The following PCED1B variants were observed in gnomAD, a reference collection of about 807,000 sequenced individuals.
PCED1B encodes PC-esterase domain-containing protein 1B.
For missense variants in PCED1B, 573 were observed against 573.9 expected (o/e 1.00, Z 0.02); for synonymous variants, 251 against 246.1 (o/e 1.02, Z -0.19).
chr12:47,148,646 G>A (rs1940880435), intron 2 of PCED1B, among the ~76,000 whole-genome samples: 1 of 152,102 alleles, frequency 6.6e-6, no homozygotes, highest in South Asian at 2.1e-4. Context: ...GGCCCAGAGA[G>A]CCATGTTTGA....
chr12:47,232,206 G>A (rs1171891045), intron 3 of PCED1B, among the ~76,000 whole-genome samples: 1 of 152,044 alleles, frequency 6.6e-6, no homozygotes, highest in Non-Finnish European at 1.5e-5. Flanking sequence ...GTTTTTCTTT[G>A]TTTCAAACTC....
chr12:47,214,750 C>T (rs1258844925), intron 2 of PCED1B, among the ~76,000 whole-genome samples: 2 of 151,978 alleles, frequency 1.3e-5, no homozygotes, highest in Non-Finnish European at 2.9e-5. Context: ...CTTCCTGATA[C>T]AGATACTTTG....
At chr12:47,108,025 AGC>A (rs1271540937) in intron 2 of PCED1B, among the ~76,000 whole-genome samples, 2 of 152,126 alleles carry the variant, frequency 1.3e-5, no homozygotes, top group African/African-American at 4.8e-5. Context: ...TGACAGTATG[AGC>A]AAGTAAAATG....
At chr12:47,136,982 GAA>G (rs1940399919) in intron 2 of PCED1B, among the ~76,000 whole-genome samples, 1 of 152,160 alleles carries the variant, frequency 6.6e-6, no homozygotes, top group Non-Finnish European at 1.5e-5. Context: ...TCTATAAAAT[GAA>G]AATAATAATA....
rs150782850 is a variant in PCED1B, at chr12:47,147,329, A to G, written c.-526+43134A>G. On this transcript the variant is annotated intron_variant, in intron 2 of 3. Coordinates refer to ENST00000546455, the MANE Select transcript of PCED1B (RefSeq NM_138371.3). ...ACTGTGCCTGGCCTCATTGCTCTTA[A>G]ATGTCACCTTCCATAAAGCCCTCAG... Among the ~76,000 whole-genome samples, 391 of 152,080 alleles carry G rather than the reference A, an allele frequency of 2.6e-3. 1 individual carries two copies. The highest frequency in any genetic ancestry group is 9.1e-3 in the African/African-American group (378 of 41,524).
intron 1 of PCED1B, among the ~76,000 whole-genome samples, chr12:47,098,521 C>T (rs1034347827): frequency 6.6e-6 from 1 of 152,176 alleles, no homozygotes; most frequent in Non-Finnish European, 1.5e-5. Flanking sequence ...TGGAGTCTGT[C>T]GCCCAGGCTG....
chr12:47,192,850 T>G (rs1942488167), intron 2 of PCED1B, among the ~76,000 whole-genome samples: 1 of 152,228 alleles, frequency 6.6e-6, no homozygotes, highest in Admixed American at 6.5e-5. Context: ...CTGAGGAAAC[T>G]AAGGCTCGGA....
chr12:47,176,548 A>G (rs150105876), intron 2 of PCED1B, among the ~76,000 whole-genome samples: 3 of 152,316 alleles, frequency 2.0e-5, no homozygotes, highest in African/African-American at 4.8e-5. Context: ...ACCTTGTCCT[A>G]TGCATCTCTT....
At chr12:47,220,197 A>C (rs1157475524) in intron 3 of PCED1B, among the ~76,000 whole-genome samples, 1 of 152,020 alleles carries the variant, frequency 6.6e-6, no homozygotes, top group Non-Finnish European at 1.5e-5. Flanking sequence ...TTTGAGACAG[A>C]GTCTCATTCT....
At chr12:47,189,351 C>A (rs535531348) in intron 2 of PCED1B, among the ~76,000 whole-genome samples, 7 of 152,304 alleles carry the variant, frequency 4.6e-5, no homozygotes, top group African/African-American at 1.4e-4. Flanking sequence ...AGAAGGCAGA[C>A]TGATTTCAAA....
At chr12:47,103,399 G>T (rs779406306) in intron 1 of PCED1B, among the ~76,000 whole-genome samples, 8 of 152,180 alleles carry the variant, frequency 5.3e-5, no homozygotes, top group Admixed American at 1.3e-4. Flanking sequence ...GCGCACTGCA[G>T]CAGGGCCTGG....
In PCED1B at chr12:47,088,280, G is replaced by A. The variant is rs76300392; in HGVS notation, c.-609+8555G>A. On this transcript the variant is annotated intron_variant, in intron 1 of 3. Coordinates refer to ENST00000546455, the MANE Select transcript of PCED1B (RefSeq NM_138371.3). ...TGTGCAAAATAAACAGAGCTGGAGA[G>A]GTGTCTCAACACAATGATGTTTGTA... Among the ~76,000 whole-genome samples, 713 of 152,300 alleles carry A rather than the reference G, an allele frequency of 4.7e-3. 2 individuals carry two copies. Among genetic ancestry groups the A allele is most frequent in the Non-Finnish European group, 7.8e-3 (531 of 68,026 alleles).
intron 1 of PCED1B, 41 bp downstream of exon 1, chr12:47,079,766 G>A (rs1290743056): frequency 6.6e-6 from 1 of 150,512 alleles, no homozygotes; most frequent in Non-Finnish European, 1.5e-5. Flanking sequence ...CCCGCGCGCG[G>A]GGCGCCCCGC....
rs1417413270 is a variant in PCED1B, at chr12:47,218,912, G to A, written c.-58+2223G>A. 2.6e-5 allele frequency among the ~76,000 whole-genome samples: 4 copies of A among 152,158 alleles called. No homozygotes were observed. The East Asian group carries it at 5.8e-4, about 22-fold the overall frequency. On this transcript the variant is annotated intron_variant, in intron 3 of 3. Coordinates refer to ENST00000546455, the MANE Select transcript of PCED1B (RefSeq NM_138371.3). ...TCCCAGCACTTTGGGAGGCCTAGGT[G>A]GGTGGATCACCTGAGGTCAGGAGTT...
chr12:47,089,482 ATATATATATATG>A (rs1446543633), intron 1 of PCED1B, among the ~76,000 whole-genome samples: 21 of 92,978 alleles, frequency 2.3e-4, no homozygotes, highest in Admixed American at 1.1e-3. Flanking sequence ...ATATATATAT[ATATATATATATG>A]TATATACCAA....
At chr12:47,139,478 T>A (rs1050859036) in intron 2 of PCED1B, among the ~76,000 whole-genome samples, 1 of 152,056 alleles carries the variant, frequency 6.6e-6, no homozygotes, top group Non-Finnish European at 1.5e-5. Flanking sequence ...CAAATGCCAA[T>A]GGGCTAAGAC....
chr12:47,228,831 C>T (rs1943711937), intron 3 of PCED1B, among the ~76,000 whole-genome samples: 1 of 151,328 alleles, frequency 6.6e-6, no homozygotes, highest in Non-Finnish European at 1.5e-5. Flanking sequence ...TGAGATTGCA[C>T]CACTGCACTC....
intron 3 of PCED1B, among the ~76,000 whole-genome samples, chr12:47,227,345 T>C (rs763915419): frequency 3.0e-4 from 46 of 151,872 alleles, no homozygotes; most frequent in Non-Finnish European, 2.2e-4. Context: ...ATAATTTTTG[T>C]AGTCTTGTAG....
At chr12:47,185,376 C>T (rs1198628639) in intron 2 of PCED1B, among the ~76,000 whole-genome samples, 1 of 152,136 alleles carries the variant, frequency 6.6e-6, no homozygotes, top group African/African-American at 2.4e-5. Context: ...AAGAAGGAGG[C>T]AGAAGTTGAA....
Sources: allele counts gnomAD v4.1 joint callset (sites outside exome capture counted in the v4.1 genomes callset), GRCh38; gene constraint gnomAD v4.1.1; transcripts MANE v1.5; gene names NCBI Gene and HGNC (gene_info 2026-07-23, HGNC 2026-07-21).